PPP2R3B: variants seen among roughly 807,000 people sequenced by gnomAD.
PPP2R3B encodes the protein protein phosphatase 2 regulatory subunit B''beta, also known as serine/threonine-protein phosphatase 2A regulatory subunit B'' subunit beta.
PPP2R3B carries 68 observed loss-of-function variants against 72.9 expected under a neutral mutation model. The observed-to-expected ratio is 0.93, with a 90% CI of 0.77 to 1.14. The LOEUF is 1.14. Ranked by LOEUF, PPP2R3B falls within the 50% of genes most tolerant of loss-of-function variation. PPP2R3B has a pLI of 0.00. For synonymous variants in PPP2R3B, 466 were observed against 375.8 expected (o/e 1.24, Z -2.78); for missense variants, 1,018 against 842.0 (o/e 1.21, Z -2.59).
At chrX:360,299 C>T (rs1480732530) in intron 2 of PPP2R3B, among the ~76,000 whole-genome samples, 2 of 152,238 alleles carry the variant, frequency 1.3e-5, no homozygotes, top group East Asian at 1.9e-4. Context: ...TTTGGGAGGC[C>T]GAGGCAGGCG....
At chrX:349,824 C>T (rs1258412936) in intron 2 of PPP2R3B, among the ~76,000 whole-genome samples, 2 of 152,164 alleles carry the variant, frequency 1.3e-5, no homozygotes, top group Non-Finnish European at 2.9e-5. Flanking sequence ...AACTGCAGGG[C>T]ACGGCTGGGT....
chrX:351,939 C>T (rs2071340698), intron 2 of PPP2R3B, among the ~76,000 whole-genome samples: 1 of 152,166 alleles, frequency 6.6e-6, no homozygotes, highest in South Asian at 2.1e-4. Context: ...AAGCCATCCT[C>T]CCGCCTTGGC....
chrX:346,073 G>C, intron 6 of PPP2R3B, 101 bp downstream of exon 6: 1 of 559,696 alleles, frequency 1.8e-6, no homozygotes. Context: ...GGGAGAGGGG[G>C]TGGGAGGGGA....
intron 10 of PPP2R3B, among the ~76,000 whole-genome samples, chrX:340,486 C>G (rs189283057): frequency 6.7e-5 from 4 of 59,288 alleles, no homozygotes; most frequent in African/African-American, 3.3e-4. Flanking sequence ...TGGGCCGTCC[C>G]CCCTCCCGTC....
chrX:356,897 A>T (rs1191271160), intron 2 of PPP2R3B, among the ~76,000 whole-genome samples: 39 of 119,352 alleles, frequency 3.3e-4, no homozygotes, highest in Middle Eastern at 4.1e-3. Context: ...CCAGCCACAC[A>T]GCGAGCCCCA....
Position 373,731 on chromosome X carries a change from G to C in PPP2R3B, c.325-12141C>G, listed in dbSNP as rs1314069518. ...TCGGGGCAGGGCCGGGCCGGGGCCG[G>C]CGGGGCGCTGCAGGCGTGGCCCGGG... On this transcript the variant is annotated intron_variant, in intron 1 of 12. Transcript: ENST00000390665. 2.0e-5 allele frequency: 3 copies of C among 148,196 alleles called. 1 individual carries two copies. Among genetic ancestry groups the C allele is most frequent in the Non-Finnish European group, 4.5e-5 (3 of 66,476 alleles). 9.2% of individuals were successfully genotyped at this position (148,196 alleles called of 1,614,324 possible). A position where few individuals can be genotyped will look rare whatever the true frequency, so the allele number is the denominator to read the frequency against.
At chrX:340,984 C>A in intron 9 of PPP2R3B, 44 bp from the exon 10 acceptor site, 1 of 1,590,968 alleles carries the variant, frequency 6.3e-7, no homozygotes. Flanking sequence ...TGGGCCCTCC[C>A]AGCCCGTGAC....
chrX:382,111 C>T (rs1023409072), intron 1 of PPP2R3B, among the ~76,000 whole-genome samples: 2 of 152,050 alleles, frequency 1.3e-5, no homozygotes, highest in South Asian at 2.1e-4. Flanking sequence ...GCCATGCCCA[C>T]GGTCCACACG....
chrX:363,410 AGTGC>A (rs1569403790), intron 1 of PPP2R3B, among the ~76,000 whole-genome samples: 4 of 150,646 alleles, frequency 2.7e-5, no homozygotes, highest in Non-Finnish European at 4.4e-5. Context: ...GCAATCCCAC[AGTGC>A]ATCTCCCCGA....
rs142975284 is a variant in PPP2R3B, at chrX:364,052, C to T, written c.325-2462G>A. Among the ~76,000 whole-genome samples the T allele has an allele frequency of 6.7e-3, 1,023 of 152,308 alleles. 13 individuals carry two copies. Among genetic ancestry groups the T allele is most frequent in the African/African-American group, 0.023 (938 of 41,580 alleles). Reference sequence around the variant, plus strand: ...CTGGAAGGAAGAACCCGGGGAAGCCCGTGGAGCCTGAACAGGCTCTGCCTT... The same window carrying T: ...CTGGAAGGAAGAACCCGGGGAAGCCTGTGGAGCCTGAACAGGCTCTGCCTT... On this transcript the variant is annotated intron_variant, in intron 1 of 12. Coordinates refer to ENST00000390665, the MANE Select transcript of PPP2R3B (RefSeq NM_013239.5).
chrX:361,068 G>A (rs1313114275), intron 2 of PPP2R3B, among the ~76,000 whole-genome samples: 8 of 152,194 alleles, frequency 5.3e-5, no homozygotes, highest in Non-Finnish European at 1.2e-4. Flanking sequence ...AGCCACGAGA[G>A]CTGGCGCCAC....
chrX:374,916 C>T (rs185764445), intron 1 of PPP2R3B, among the ~76,000 whole-genome samples: 2 of 152,270 alleles, frequency 1.3e-5, no homozygotes, highest in Non-Finnish European at 2.9e-5. Context: ...ACCCAACCCC[C>T]GCAAGCCCCG....
chrX:373,035 A>G (rs867443510), intron 1 of PPP2R3B, among the ~76,000 whole-genome samples: 30 of 152,348 alleles, frequency 2.0e-4, no homozygotes, highest in Admixed American at 2.0e-4. Flanking sequence ...CTCTTAAGTT[A>G]GCCAGTGGGA....
intron 1 of PPP2R3B, chrX:373,664 G>C: frequency 4.4e-6 from 1 of 227,222 alleles, no homozygotes; most frequent in Admixed American, 4.6e-5. Context: ...GCATGCCGCC[G>C]GCGCGCAGGG....
At chrX:360,159 T>C (rs1399428263) in intron 2 of PPP2R3B, among the ~76,000 whole-genome samples, 10 of 152,136 alleles carry the variant, frequency 6.6e-5, no homozygotes, top group Non-Finnish European at 1.0e-4. Context: ...ACAGCGACCA[T>C]GCGGAATTTA....
chrX:334,221 G>T lies in PPP2R3B; in HGVS notation c.*146C>A. The T allele has an allele frequency of 9.9e-7, 1 of 1,005,376 alleles. No individual in the cohort carries two copies. The highest frequency in any genetic ancestry group is 1.3e-6 in the Non-Finnish European group (1 of 749,266). 62.3% of individuals were successfully genotyped at this position (1,005,376 alleles called of 1,614,324 possible). On this transcript the variant is annotated 3_prime_UTR_variant, in exon 13 of 13. Transcript: ENST00000390665. ...GCAGGTCCAGCCACGAACCCACAGC[G>T]GCAATCAACACGCTTCTGTGAATAA... is the stretch of plus-strand genomic sequence containing the variant.
chrX:383,707 G>A (rs758915939), intron 1 of PPP2R3B, among the ~76,000 whole-genome samples: 4,459 of 151,194 alleles, frequency 0.029, 77 homozygotes, highest in Middle Eastern at 0.065. Flanking sequence ...GCGTGGTGGC[G>A]GGCGCCTGTA....
At chrX:338,572 C>T (rs773334968) in intron 12 of PPP2R3B, 32 bp downstream of exon 12, 67 of 1,452,648 alleles carry the variant, frequency 4.6e-5, no homozygotes, top group East Asian at 3.5e-4. Flanking sequence ...CCCACTGACC[C>T]GTCCCCCCAC....
chrX:334,171 G>A lies in PPP2R3B; in HGVS notation c.*196C>T, dbSNP rs1177067974. 49 of 555,914 alleles carry A rather than the reference G, an allele frequency of 8.8e-5. 1 individual carries two copies. Among genetic ancestry groups the A allele is most frequent in the Admixed American group, 5.3e-4 (12 of 22,694 alleles). 34.4% of individuals were successfully genotyped at this position (555,914 alleles called of 1,614,324 possible). On this transcript the variant is annotated 3_prime_UTR_variant, in exon 13 of 13. Transcript: ENST00000390665. Reference sequence around the variant, plus strand: ...CCGTCCCATTCACGCGCGGCCCTACGTGTCCCCCTGGCACAGAGCTCTGGG... The same window carrying A: ...CCGTCCCATTCACGCGCGGCCCTACATGTCCCCCTGGCACAGAGCTCTGGG...
Sources: gnomAD v4.1 joint callset for allele counts (sites outside exome capture counted in the v4.1 genomes callset) on GRCh38, gnomAD v4.1.1 for gene constraint, MANE v1.5 for transcripts, NCBI Gene and HGNC (gene_info 2026-07-23, HGNC 2026-07-21) for gene names.